The following SLC15A5 variants were observed in gnomAD, a reference collection of about 807,000 sequenced individuals.
The protein encoded by SLC15A5 is solute carrier family 15 member 5, also known as Peptide/histidine transporter ENSP00000340402.
Under a neutral mutation model 56.1 loss-of-function variants are expected in SLC15A5, and 58 were observed. The observed-to-expected ratio is 1.03, with a 90% CI of 0.84 to 1.29. The LOEUF is 1.29. SLC15A5 is among the 50% of genes most tolerant of loss of function. SLC15A5 has a pLI of 0.00. For synonymous variants in SLC15A5, 264 were observed against 250.5 expected, an observed-to-expected ratio of 1.05 and a Z score of -0.51; for missense variants, 681 against 672.1, an observed-to-expected ratio of 1.01 and a Z score of -0.15.
intron 8 of SLC15A5, among the ~76,000 whole-genome samples, chr12:16,190,284 A>G (rs1863828217): frequency 6.6e-6 from 1 of 152,190 alleles, no homozygotes; most frequent in Non-Finnish European, 1.5e-5. Context: ...AGTGTCTTCT[A>G]AGTACCAGCC....
chr12:16,238,546 C>T (rs888916569), intron 5 of SLC15A5, among the ~76,000 whole-genome samples: 5 of 147,102 alleles, frequency 3.4e-5, no homozygotes, highest in Admixed American at 1.4e-4. Context: ...AGGAGAATGG[C>T]GTGAACCCGG....
chr12:16,239,172 C>A (rs1864385776), intron 5 of SLC15A5, among the ~76,000 whole-genome samples: 2 of 152,292 alleles, frequency 1.3e-5, no homozygotes, highest in Middle Eastern at 3.4e-3. Flanking sequence ...ATCCTTCTCT[C>A]CCATTTCAAT....
intron 4 of SLC15A5, among the ~76,000 whole-genome samples, chr12:16,242,474 G>A (rs928852641): frequency 6.6e-6 from 1 of 151,852 alleles, no homozygotes; most frequent in South Asian, 2.1e-4. Context: ...AAGGTGACTG[G>A]GAACAAGTTG....
At chr12:16,276,155 A>G (rs1864816343) in intron 1 of SLC15A5, among the ~76,000 whole-genome samples, 1 of 151,988 alleles carries the variant, frequency 6.6e-6, no homozygotes, top group South Asian at 2.1e-4. Context: ...ATGTTGAGTG[A>G]TTATTTGCCA....
intron 7 of SLC15A5, among the ~76,000 whole-genome samples, chr12:16,205,349 T>G (rs1204063132): frequency 6.6e-6 from 1 of 151,858 alleles, no homozygotes; most frequent in East Asian, 1.9e-4. Context: ...CAATTTTGCT[T>G]TAATTCTCGA....
chr12:16,266,012 A>G (rs1311297101), intron 2 of SLC15A5, among the ~76,000 whole-genome samples: 2 of 152,248 alleles, frequency 1.3e-5, no homozygotes, highest in Non-Finnish European at 2.9e-5. Flanking sequence ...CACAACGTAA[A>G]AAAACTAAAA....
chr12:16,245,975 C>G (rs1042970326), intron 3 of SLC15A5, among the ~76,000 whole-genome samples: 2 of 152,078 alleles, frequency 1.3e-5, no homozygotes, highest in African/African-American at 4.8e-5. Flanking sequence ...GTAATAGACC[C>G]ATTATGTCAG....
intron 2 of SLC15A5, 95 bp downstream of exon 2, chr12:16,272,466 C>T: frequency 8.6e-7 from 1 of 1,164,380 alleles, no homozygotes; most frequent in Non-Finnish European, 1.2e-6. Context: ...CCCAATTCAT[C>T]ACAAAGACTG....
At chr12:16,218,198 T>C (rs913688828) in intron 6 of SLC15A5, among the ~76,000 whole-genome samples, 3 of 152,154 alleles carry the variant, frequency 2.0e-5, no homozygotes, top group African/African-American at 7.2e-5. Flanking sequence ...GAGTTTATTA[T>C]ACTAATCTCT....
At chr12:16,195,016 T>A (rs945669162) in intron 7 of SLC15A5, among the ~76,000 whole-genome samples, 2 of 152,072 alleles carry the variant, frequency 1.3e-5, no homozygotes, top group African/African-American at 4.8e-5. Flanking sequence ...AATCTCTGGC[T>A]AACATGGAGA....
chr12:16,216,031 G>T (rs1864127484), intron 7 of SLC15A5, among the ~76,000 whole-genome samples: 1 of 151,988 alleles, frequency 6.6e-6, no homozygotes, highest in Non-Finnish European at 1.5e-5. Context: ...TCCATAGTTT[G>T]AAAGCAGGTA....
intron 7 of SLC15A5, among the ~76,000 whole-genome samples, chr12:16,210,819 C>A (rs1864072922): frequency 6.6e-6 from 1 of 152,154 alleles, no homozygotes; most frequent in African/African-American, 2.4e-5. Flanking sequence ...CTGGCTCTTT[C>A]CTGATGCTAT....
intron 1 of SLC15A5, among the ~76,000 whole-genome samples, chr12:16,274,925 C>T (rs915605706): frequency 6.6e-6 from 1 of 152,012 alleles, no homozygotes; most frequent in African/African-American, 2.4e-5. Context: ...AAAACAATGA[C>T]ATATATGAAG....
chr12:16,205,936 C>G (rs1427500626), intron 7 of SLC15A5, among the ~76,000 whole-genome samples: 1 of 152,120 alleles, frequency 6.6e-6, no homozygotes, highest in African/African-American at 2.4e-5. Flanking sequence ...CCTCAGACTT[C>G]ACTAAATTTT....
intron 7 of SLC15A5, among the ~76,000 whole-genome samples, chr12:16,205,540 A>G (rs1238406188): frequency 8.6e-4 from 1 of 1,164 alleles, no homozygotes; most frequent in East Asian, 0.5. Flanking sequence ...GTGCATATAT[A>G]TATATGTATA....
chr12:16,245,389 G>T (rs1864452202), intron 3 of SLC15A5, among the ~76,000 whole-genome samples: 1 of 152,104 alleles, frequency 6.6e-6, no homozygotes, highest in South Asian at 2.1e-4. Context: ...TAGATTAGTT[G>T]GCTTTTGACT....
chr12:16,266,717 C>G (rs7966021), intron 2 of SLC15A5, among the ~76,000 whole-genome samples: 2 of 152,150 alleles, frequency 1.3e-5, no homozygotes, highest in Non-Finnish European at 2.9e-5. Context: ...CCTTTCATCT[C>G]ATAGCTCACT....
intron 5 of SLC15A5, among the ~76,000 whole-genome samples, chr12:16,239,309 G>A (rs1205272461): frequency 3.3e-5 from 5 of 152,104 alleles, no homozygotes; most frequent in African/African-American, 2.4e-5. Flanking sequence ...TTTTGTTACC[G>A]ATTCAGAAAT....
chr12:16,272,902 A>T (rs996263419), intron 1 of SLC15A5, 119 bp from the exon 2 acceptor site: 1 of 882,660 alleles, frequency 1.1e-6, no homozygotes, highest in African/African-American at 1.7e-5. Flanking sequence ...TTATCCAAAC[A>T]TTTATGGTAG....
Sources: gnomAD v4.1 joint callset for allele counts (sites outside exome capture counted in the v4.1 genomes callset) on GRCh38, gnomAD v4.1.1 for gene constraint, MANE v1.5 for transcripts, NCBI Gene and HGNC (gene_info 2026-07-23, HGNC 2026-07-21) for gene names.